Variants in EXOC4 observed in about 807,000 individuals in gnomAD.
The protein encoded by EXOC4 is SEC8-like 1.
In EXOC4, 71 loss-of-function variants were observed where a neutral mutation model predicts 107.2. The ratio of observed to expected loss-of-function variants is 0.66; its 90% CI spans 0.55 to 0.81. The LOEUF (loss-of-function observed/expected upper bound fraction) is 0.81. Ranked by LOEUF, EXOC4 falls within the 30% of genes least tolerant of loss-of-function variation. The probability of loss-of-function intolerance (pLI) is 0.00; values close to 1 mark genes in which losing one functional copy is unlikely to be tolerated. For missense variants in EXOC4, 1,108 were observed against 1,189.6 expected, an observed-to-expected ratio of 0.93 and a Z score of 1.01; for synonymous variants, 456 against 441.2, an observed-to-expected ratio of 1.03 and a Z score of -0.42.
intron 10 of EXOC4, among the ~76,000 whole-genome samples, chr7:133,816,468 T>A (rs1797371592): frequency 6.6e-6 from 1 of 152,194 alleles, no homozygotes; most frequent in Non-Finnish European, 1.5e-5. Flanking sequence ...CAAGTAAGGT[T>A]GAAGTTCTCC....
intron 9 of EXOC4, among the ~76,000 whole-genome samples, chr7:133,507,828 G>A (rs930863284): frequency 2.6e-5 from 4 of 152,094 alleles, no homozygotes; most frequent in South Asian, 4.1e-4. Context: ...TTGGGAGGCC[G>A]AGGCAGGTGG....
chr7:133,494,980 A>T (rs918512525), intron 9 of EXOC4, among the ~76,000 whole-genome samples: 18 of 152,096 alleles, frequency 1.2e-4, no homozygotes, highest in African/African-American at 4.3e-4. Flanking sequence ...ACATTATATT[A>T]AAAAAATTGG....
At chr7:133,837,746 T>G (rs557316275) in intron 11 of EXOC4, among the ~76,000 whole-genome samples, 1 of 152,312 alleles carries the variant, frequency 6.6e-6, no homozygotes, top group South Asian at 2.1e-4. Context: ...TTTCACTGTT[T>G]ATTGGTTAGA....
intron 10 of EXOC4, among the ~76,000 whole-genome samples, chr7:133,676,987 A>T: frequency 8.6e-6 from 1 of 116,030 alleles, no homozygotes. Context: ...GTTGAGAACA[A>T]AGTGATGAAT....
chr7:133,457,275 A>G (rs1409204034), intron 7 of EXOC4, among the ~76,000 whole-genome samples: 4 of 152,138 alleles, frequency 2.6e-5, no homozygotes, highest in Non-Finnish European at 5.9e-5. Context: ...TTGTGGTGGT[A>G]ATGGTTGATA....
At chr7:133,878,027 G>A (rs151286846) in intron 11 of EXOC4, among the ~76,000 whole-genome samples, 5 of 152,172 alleles carry the variant, frequency 3.3e-5, no homozygotes, top group African/African-American at 9.6e-5. Context: ...CCTATATTTT[G>A]TCTGGTTTTC....
At chr7:134,083,044 C>G in the EXOC4 span, among the ~76,000 whole-genome samples, 1 of 152,310 alleles carries the variant, frequency 6.6e-6, no homozygotes, top group South Asian at 2.1e-4. Context: ...AGGGTGGAAT[C>G]TTTCTGGAAT....
chr7:133,904,579 C>A (rs1400794272), intron 12 of EXOC4, among the ~76,000 whole-genome samples: 4 of 152,178 alleles, frequency 2.6e-5, no homozygotes, highest in Admixed American at 2.0e-4. Context: ...AAATGGTGTC[C>A]ACCTGTTGGT....
intron 10 of EXOC4, among the ~76,000 whole-genome samples, chr7:133,676,927 C>CTGTGTG (rs559035446): frequency 0.017 from 2,123 of 124,636 alleles, 51 homozygotes; most frequent in African/African-American, 0.05. Context: ...GTAGTAAACT[C>CTGTGTG]TGTGTGTGTG....
intron 11 of EXOC4, among the ~76,000 whole-genome samples, chr7:133,833,218 G>A (rs1003456287): frequency 3.3e-5 from 4 of 122,130 alleles, no homozygotes; most frequent in Admixed American, 9.9e-5. Context: ...GAAATTTCAC[G>A]TAAAGGTGAA....
At chr7:133,906,635 G>A (rs1049685778) in intron 12 of EXOC4, among the ~76,000 whole-genome samples, 2 of 152,178 alleles carry the variant, frequency 1.3e-5, no homozygotes, top group East Asian at 1.9e-4. Context: ...TCTTGCAACT[G>A]CATTCTTCTG....
At chr7:133,570,637 A>G (rs1366532229) in intron 9 of EXOC4, among the ~76,000 whole-genome samples, 1 of 152,184 alleles carries the variant, frequency 6.6e-6, no homozygotes, top group Non-Finnish European at 1.5e-5. Context: ...CATGCGTGAA[A>G]CTGAAATACA....
At chr7:133,459,300 A>G (rs1397780396) in intron 7 of EXOC4, among the ~76,000 whole-genome samples, 1 of 152,200 alleles carries the variant, frequency 6.6e-6, no homozygotes, top group Non-Finnish European at 1.5e-5. Flanking sequence ...CGAGTTAGGC[A>G]CAGTTCCTCA....
At chr7:133,767,110 T>G (rs1796154442) in intron 10 of EXOC4, among the ~76,000 whole-genome samples, 1 of 151,160 alleles carries the variant, frequency 6.6e-6, no homozygotes, top group Admixed American at 6.6e-5. Context: ...TCTTACCTGG[T>G]TTTTTTTTCC....
chr7:133,879,282 A>G (rs1394315869), intron 11 of EXOC4, among the ~76,000 whole-genome samples: 1 of 151,840 alleles, frequency 6.6e-6, no homozygotes, highest in Admixed American at 6.6e-5. Flanking sequence ...TTTTGTAGAG[A>G]CAGGGTCTTG....
At chr7:133,367,747 A>G (rs1796278867) in intron 6 of EXOC4, among the ~76,000 whole-genome samples, 1 of 152,186 alleles carries the variant, frequency 6.6e-6, no homozygotes, top group Non-Finnish European at 1.5e-5. Flanking sequence ...TACCTTCCTT[A>G]TAGGGCTGCC....
chr7:133,855,355 A>G (rs151042709), intron 11 of EXOC4, among the ~76,000 whole-genome samples: 4 of 151,528 alleles, frequency 2.6e-5, no homozygotes, highest in African/African-American at 9.7e-5. Flanking sequence ...CCTCTATATT[A>G]CAGCAGGTAC....
At chr7:133,861,718 G>A (rs1229782351) in intron 11 of EXOC4, among the ~76,000 whole-genome samples, 1 of 152,082 alleles carries the variant, frequency 6.6e-6, no homozygotes, top group African/African-American at 2.4e-5. Flanking sequence ...ATTTTTAGTA[G>A]AGATGGGGTT....
chr7:133,388,389 T>C (rs779112179), intron 7 of EXOC4, among the ~76,000 whole-genome samples: 2 of 152,058 alleles, frequency 1.3e-5, no homozygotes, highest in Non-Finnish European at 2.9e-5. Flanking sequence ...GTGGCTCGCG[T>C]CTGTAATCCC....
Sources: gnomAD v4.1 joint callset for allele counts (sites outside exome capture counted in the v4.1 genomes callset) on GRCh38, gnomAD v4.1.1 for gene constraint, MANE v1.5 for transcripts, NCBI Gene and HGNC (gene_info 2026-07-23, HGNC 2026-07-21) for gene names.